TSHZ2: variants seen among roughly 807,000 people sequenced by gnomAD.
TSHZ2 encodes teashirt homolog 2.
A neutral mutation model predicts 74.4 loss-of-function variants in TSHZ2; 21 were observed. That is an observed-to-expected ratio of 0.28 (90% CI 0.20 to 0.41). The LOEUF (loss-of-function observed/expected upper bound fraction) is 0.41. TSHZ2 is among the 10% of genes least tolerant of loss of function. TSHZ2 has a pLI of 1.00. For missense variants in TSHZ2, 1,244 were observed against 1,293.5 expected, an observed-to-expected ratio of 0.96 and a Z score of 0.59; for synonymous variants, 540 against 515.3, an observed-to-expected ratio of 1.05 and a Z score of -0.65.
chr20:53,021,055 C>T (rs754550283), intron 1 of TSHZ2, among the ~76,000 whole-genome samples: 1 of 152,214 alleles, frequency 6.6e-6, no homozygotes, highest in South Asian at 2.1e-4. Flanking sequence ...TCTACACAAA[C>T]ATTTGTTGCT....
intron 1 of TSHZ2, among the ~76,000 whole-genome samples, chr20:53,165,124 G>A (rs1308529665): frequency 6.6e-6 from 1 of 150,940 alleles, no homozygotes; most frequent in Non-Finnish European, 1.5e-5. Flanking sequence ...TGGATGGATG[G>A]GTGGATGGAT....
rs1986452813 is a variant in TSHZ2, at chr20:53,491,745, C to A, written c.*4610C>A. 1 of 152,108 alleles carries A rather than the reference C, an allele frequency of 6.6e-6. No homozygotes were observed. Among genetic ancestry groups the A allele is most frequent in the African/African-American group, 2.4e-5 (1 of 41,400 alleles). The allele number at this position is 152,108 out of a possible 1,614,324, so 9.4% of individuals were successfully genotyped here. ...ATAGGACTGTTTTAAAATGCTAGTACCAGGTGGAACGCTATTTCTGCAACA... is the reference window on the plus strand; with the variant it reads ...ATAGGACTGTTTTAAAATGCTAGTAACAGGTGGAACGCTATTTCTGCAACA... On this transcript the variant is annotated 3_prime_UTR_variant, in exon 3 of 3. Transcript: ENST00000371497.
rs189467308 is a variant in TSHZ2 at position 53,296,282 on chromosome 20, T to C, written c.*8+39711T>C. ...TCACAATGCTGAGCTGCCCACTTCC[T>C]GACTTAAGGAAAAGACCAGATGTCA... On this transcript the variant is annotated intron_variant, in intron 2 of 2. Coordinates refer to ENST00000371497, the MANE Select transcript of TSHZ2 (RefSeq NM_173485.6). Among the ~76,000 whole-genome samples, 234 of 152,336 alleles carry C rather than the reference T, an allele frequency of 1.5e-3. 4 individuals carry two copies. The highest frequency in any genetic ancestry group is 2.4e-4 in the Non-Finnish European group (16 of 68,036).
At chr20:53,204,772 T>C (rs1002116009) in intron 1 of TSHZ2, among the ~76,000 whole-genome samples, 13 of 152,050 alleles carry the variant, frequency 8.5e-5, no homozygotes, top group African/African-American at 3.1e-4. Context: ...GATGTGAACA[T>C]TGAGTATTAG....
chr20:53,463,389 AG>A (rs1985445639), intron 2 of TSHZ2, among the ~76,000 whole-genome samples: 1 of 74,184 alleles, frequency 1.3e-5, no homozygotes, highest in Non-Finnish European at 2.7e-5. Context: ...AGAGGAAGGA[AG>A]GAAGGAAGGA....
At chr20:53,478,419 A>G (rs1004847757) in intron 2 of TSHZ2, among the ~76,000 whole-genome samples, 1 of 150,896 alleles carries the variant, frequency 6.6e-6, no homozygotes, top group African/African-American at 2.4e-5. Context: ...AGAACAAAAA[A>G]CCAAACACTG....
intron 2 of TSHZ2, among the ~76,000 whole-genome samples, chr20:53,361,989 G>A (rs1280949534): frequency 1.3e-5 from 2 of 150,990 alleles, no homozygotes; most frequent in Non-Finnish European, 3.0e-5. Flanking sequence ...GCGCCATCTC[G>A]GCTCACTGCA....
chr20:53,081,070 C>A (rs972093711), intron 1 of TSHZ2, among the ~76,000 whole-genome samples: 34 of 152,212 alleles, frequency 2.2e-4, no homozygotes, highest in Non-Finnish European at 4.7e-4. Flanking sequence ...AGTTAGAGTG[C>A]AGTGGCATGA....
At chr20:53,420,009 T>C (rs1019577919) in intron 2 of TSHZ2, among the ~76,000 whole-genome samples, 17 of 152,258 alleles carry the variant, frequency 1.1e-4, no homozygotes, top group African/African-American at 3.6e-4. Flanking sequence ...TTCAGAAATT[T>C]AGTCATTCAC....
At position 53,473,639 on chromosome 20, in the gene TSHZ2, G is replaced by A. The variant is rs930513235; in HGVS notation, c.*9-13505G>A. The stretch of plus-strand genomic sequence containing the variant: ...AGGAACGCAGTTCCTCACCAGCAAC[G>A]GAACAAAGCTGGATGGAGAATGACT... On this transcript the variant is annotated intron_variant, in intron 2 of 2. Coordinates refer to ENST00000371497, the MANE Select transcript of TSHZ2 (RefSeq NM_173485.6). Among the ~76,000 whole-genome samples the A allele has an allele frequency of 1.1e-3, 166 of 150,868 alleles. 2 individuals are homozygous for A. Among genetic ancestry groups the A allele is most frequent in the South Asian group, 1.1e-3 (5 of 4,684 alleles).
intron 2 of TSHZ2, among the ~76,000 whole-genome samples, chr20:53,261,622 C>T (rs943565791): frequency 6.6e-6 from 1 of 152,208 alleles, no homozygotes; most frequent in Non-Finnish European, 1.5e-5. Flanking sequence ...TCTCAGCCTC[C>T]ATTGCACCTT....
intron 2 of TSHZ2, among the ~76,000 whole-genome samples, chr20:53,263,584 G>A (rs1370508966): frequency 6.6e-6 from 1 of 152,138 alleles, no homozygotes; most frequent in East Asian, 1.9e-4. Flanking sequence ...GGTTTAGTTC[G>A]GATTTTAGTT....
At chr20:53,282,730 G>A (rs1441680310) in intron 2 of TSHZ2, among the ~76,000 whole-genome samples, 2 of 152,154 alleles carry the variant, frequency 1.3e-5, no homozygotes, top group African/African-American at 2.4e-5. Context: ...CTGGTGATTC[G>A]AAGGAATAAA....
At position 53,320,346 on chromosome 20, in the gene TSHZ2, C is replaced by T. The variant is rs182628540; in HGVS notation, c.*8+63775C>T. ...TCTGAACTGAGGCAGTCTGGATCTG[C>T]TGGTCCTGTCTAGAAACACTATGTT... On this transcript the variant is annotated intron_variant, in intron 2 of 2. Coordinates refer to ENST00000371497, the MANE Select transcript of TSHZ2 (RefSeq NM_173485.6). 3.3e-5 allele frequency among the ~76,000 whole-genome samples: 5 copies of T among 152,360 alleles called. No individual in the cohort carries two copies. The East Asian group carries it at 9.6e-4, about 29-fold the overall frequency.
intron 2 of TSHZ2, among the ~76,000 whole-genome samples, chr20:53,322,577 C>G (rs1979316801): frequency 6.6e-6 from 1 of 152,054 alleles, no homozygotes; most frequent in African/African-American, 2.4e-5. Context: ...TCCCCATGAT[C>G]ATTTCTGGGT....
At chr20:53,267,780 A>G (rs2123752639) in intron 2 of TSHZ2, among the ~76,000 whole-genome samples, 2 of 152,360 alleles carry the variant, frequency 1.3e-5, no homozygotes, top group Middle Eastern at 3.4e-3. Context: ...ATATTTATTG[A>G]ATGCCTCATA....
At chr20:53,092,828 G>A (rs919088730) in intron 1 of TSHZ2, among the ~76,000 whole-genome samples, 17 of 152,136 alleles carry the variant, frequency 1.1e-4, no homozygotes, top group African/African-American at 4.1e-4. Flanking sequence ...CCACGGATTG[G>A]CAAACTTTTT....
intron 2 of TSHZ2, among the ~76,000 whole-genome samples, chr20:53,393,796 G>A (rs373451703): frequency 1.5e-4 from 23 of 152,214 alleles, no homozygotes; most frequent in Non-Finnish European, 2.2e-4. Flanking sequence ...ACGTCTCCAC[G>A]GGGAGAAACT....
chr20:53,450,790 G>T (rs1447540820), intron 2 of TSHZ2, among the ~76,000 whole-genome samples: 1 of 152,092 alleles, frequency 6.6e-6, no homozygotes, highest in Admixed American at 6.6e-5. Flanking sequence ...TCAAAGTGCT[G>T]GGATTACAGT....
Sources: gnomAD v4.1 joint callset for allele counts (sites outside exome capture counted in the v4.1 genomes callset) on GRCh38, gnomAD v4.1.1 for gene constraint, MANE v1.5 for transcripts, NCBI Gene and HGNC (gene_info 2026-07-23, HGNC 2026-07-21) for gene names.